The following STYXL2 variants were observed in gnomAD, a reference collection of about 807,000 sequenced individuals.
STYXL2 encodes the protein serine/threonine/tyrosine interacting like 2.
Under a neutral mutation model 52.4 loss-of-function variants are expected in STYXL2, and 44 were observed. That is an observed-to-expected ratio of 0.84 (90% CI 0.66 to 1.08). The LOEUF (loss-of-function observed/expected upper bound fraction) is 1.08, where lower values mean the gene tolerates loss of function less well. Ranked by LOEUF, STYXL2 falls within the 50% of genes least tolerant of loss-of-function variation. The probability of loss-of-function intolerance (pLI) is 0.00; values close to 1 mark genes in which losing one functional copy is unlikely to be tolerated. For synonymous variants in STYXL2, 604 were observed against 586.9 expected, an observed-to-expected ratio of 1.03 and a Z score of -0.42; for missense variants, 1,604 against 1,471.7, an observed-to-expected ratio of 1.09 and a Z score of -1.47.
In STYXL2 at chr1:167,128,493, G is replaced by C; in HGVS notation, c.3362G>C (p.Arg1121Pro). Reference sequence around the variant, plus strand: ...GCATCTGGACGGCGGTCCCAGTATCGGAGAAGCACTGACAGGGAGGAAGAG... The same window carrying C: ...GCATCTGGACGGCGGTCCCAGTATCCGAGAAGCACTGACAGGGAGGAAGAG... ...RFASGRRSQYRRSTDREEEEE... is the reference protein window; with the variant it reads ...RFASGRRSQYPRSTDREEEEE... Residue 1121 changes from arginine to proline, a missense_variant, in exon 6 of 6, where the codon CGG becomes CCG. By Grantham distance (103) the Arg-to-Pro change is moderately radical. Coordinates refer to ENST00000361200, the MANE Select transcript of STYXL2 (RefSeq NM_001080426.3). The C allele has an allele frequency of 6.2e-7, 1 of 1,613,870 alleles. No individual in the cohort carries two copies. Among genetic ancestry groups the C allele is most frequent in the South Asian group, 1.1e-5 (1 of 91,048 alleles).
intron 5 of STYXL2, among the ~76,000 whole-genome samples, chr1:167,121,573 T>C (rs1667858561): frequency 6.6e-6 from 1 of 152,172 alleles, no homozygotes; most frequent in African/African-American, 2.4e-5. Flanking sequence ...ATAGCCAGCC[T>C]TGGAGGGTGG....
At chr1:167,107,936 C>A (rs1667538802) in intron 2 of STYXL2, among the ~76,000 whole-genome samples, 1 of 152,156 alleles carries the variant, frequency 6.6e-6, no homozygotes, top group Non-Finnish European at 1.5e-5. Context: ...AGAGGACTAA[C>A]CATCAGGCTG....
Position 167,098,232 on chromosome 1 carries a change from G to A in STYXL2, c.110+3273G>A, listed in dbSNP as rs113989916. On this transcript the variant is annotated intron_variant, in intron 2 of 5. Transcript: ENST00000361200. ...TCACCATGTTGGTCAGCATTGTCTCGATCTCTTGACCTTGTGATCCCTCTG... is the reference window on the plus strand; with the variant it reads ...TCACCATGTTGGTCAGCATTGTCTCAATCTCTTGACCTTGTGATCCCTCTG... 6.1e-3 allele frequency among the ~76,000 whole-genome samples: 927 copies of A among 151,966 alleles called. 7 individuals are homozygous for A. Among genetic ancestry groups the A allele is most frequent in the African/African-American group, 0.02 (810 of 41,452 alleles).
In STYXL2 at chr1:167,122,661, A is replaced by T. The variant is rs543634815; in HGVS notation, c.656-3126A>T. ...CCAGTAGCTGTACTCTTAAAAAAAAAATTTTTTTTTGAAGGTCCTTTTTTT... is the reference window on the plus strand; with the variant it reads ...CCAGTAGCTGTACTCTTAAAAAAAATATTTTTTTTTGAAGGTCCTTTTTTT... On this transcript the variant is annotated intron_variant, in intron 5 of 5. Transcript: ENST00000361200. 6.6e-5 allele frequency among the ~76,000 whole-genome samples: 10 copies of T among 151,788 alleles called. No homozygotes were observed. The South Asian group carries it at 8.4e-4, about 13-fold the overall frequency.
chr1:167,109,195 A>T (rs948494233), intron 2 of STYXL2, among the ~76,000 whole-genome samples: 5 of 152,226 alleles, frequency 3.3e-5, no homozygotes, highest in African/African-American at 4.8e-5. Context: ...GCAAACAGGA[A>T]GTGCAAACAA....
At position 167,126,377 on chromosome 1, in the gene STYXL2, GAGA is replaced by G; in HGVS notation, c.1249_1251del (p.Lys417del). On this transcript the variant is annotated inframe_deletion, in exon 6 of 6. Coordinates refer to ENST00000361200, the MANE Select transcript of STYXL2 (RefSeq NM_001080426.3). ...GTACCGGAGGTGGGGAAGGGAGGAG[GAGA>G]AGGAGGAGGAGAGCGACGCTGGCTC... 6.5e-7 allele frequency: 1 copy of G among 1,550,146 alleles called. No individual in the cohort carries two copies. The highest frequency in any genetic ancestry group is 8.7e-7 in the Non-Finnish European group (1 of 1,146,700).
chr1:167,110,644 G>C (rs1054889575), intron 2 of STYXL2, among the ~76,000 whole-genome samples: 1 of 152,140 alleles, frequency 6.6e-6, no homozygotes, highest in Non-Finnish European at 1.5e-5. Flanking sequence ...CAAAGACAAG[G>C]TGTGAGAATT....
intron 2 of STYXL2, among the ~76,000 whole-genome samples, chr1:167,108,341 T>C (rs1667549053): frequency 1.3e-5 from 2 of 152,162 alleles, no homozygotes; most frequent in Admixed American, 1.3e-4. Flanking sequence ...CCACTAGGTG[T>C]TTAAGTCTTT....
At chr1:167,095,107 C>A in intron 2 of STYXL2, 148 bp downstream of exon 2, 1 of 626,380 alleles carries the variant, frequency 1.6e-6, no homozygotes, top group East Asian at 2.8e-5. Context: ...GTCCTACTTT[C>A]TGGAGGAGGT....
At position 167,128,745 on chromosome 1, in the gene STYXL2, C is replaced by T. The variant is rs1668031038; in HGVS notation, c.*137C>T. ...GGGGCAGAGCCAAAATGAGAGGTAC[C>T]AAGCATAAGGGCAGCAGAGGTGGAG... On this transcript the variant is annotated 3_prime_UTR_variant, in exon 6 of 6. Coordinates refer to ENST00000361200, the MANE Select transcript of STYXL2 (RefSeq NM_001080426.3). 1.0e-5 allele frequency: 14 copies of T among 1,380,358 alleles called. No homozygotes were observed. The highest frequency in any genetic ancestry group is 1.3e-5 in the Non-Finnish European group (14 of 1,051,090). The allele number at this position is 1,380,358 out of a possible 1,614,324, so 85.5% of individuals were successfully genotyped here. A position where few individuals can be genotyped will look rare whatever the true frequency, so the allele number is the denominator to read the frequency against.
At chr1:167,095,559 T>G (rs951250059) in intron 2 of STYXL2, among the ~76,000 whole-genome samples, 2 of 152,182 alleles carry the variant, frequency 1.3e-5, no homozygotes, top group Non-Finnish European at 2.9e-5. Flanking sequence ...TACATTAAAA[T>G]CATCGACGTT....
chr1:167,113,393 C>T (rs1187671499), intron 2 of STYXL2, among the ~76,000 whole-genome samples: 2 of 152,192 alleles, frequency 1.3e-5, no homozygotes, highest in Admixed American at 6.5e-5. Context: ...AGCAGCGGGA[C>T]ATCCAAGAAA....
intron 5 of STYXL2, among the ~76,000 whole-genome samples, chr1:167,122,113 A>T (rs1243803207): frequency 6.6e-6 from 1 of 152,080 alleles, no homozygotes; most frequent in East Asian, 1.9e-4. Context: ...GTTGAGACCT[A>T]TGGAAGATTA....
chr1:167,128,398 C>T lies in STYXL2; in HGVS notation c.3267C>T (p.Thr1089=). ...FSEFGAKRKF[T]QSFMRSEEEG... ...AATTTGGAGCCAAGAGGAAGTTCACCCAGAGCTTTATGAGGTCTGAAGAAG... is the reference window on the plus strand; with the variant it reads ...AATTTGGAGCCAAGAGGAAGTTCACTCAGAGCTTTATGAGGTCTGAAGAAG... Residue 1089 remains threonine (T), a synonymous_variant, in exon 6 of 6, where the codon ACC becomes ACT. Transcript: ENST00000361200. 1 of 1,613,936 alleles carries T rather than the reference C, an allele frequency of 6.2e-7. No homozygotes were observed. The highest frequency in any genetic ancestry group is 8.5e-7 in the Non-Finnish European group (1 of 1,179,950).
Position 167,127,870 on chromosome 1 carries a change from C to T in STYXL2, c.2739C>T (p.Ser913=), listed in dbSNP as rs1330307771. Reference sequence around the variant, plus strand: ...AGAAACCTGAAACAGACACATGCTCCTCCCTGGCTGTCTGTGATCACTATG... The same window carrying T: ...AGAAACCTGAAACAGACACATGCTCTTCCCTGGCTGTCTGTGATCACTATG... ...NSQKPETDTC[S]SLAVCDHYAS... Residue 913 remains serine (S), a synonymous_variant, in exon 6 of 6, where the codon TCC becomes TCT. Coordinates refer to ENST00000361200, the MANE Select transcript of STYXL2 (RefSeq NM_001080426.3). 2 of 1,614,058 alleles carry T rather than the reference C, an allele frequency of 1.2e-6. No individual in the cohort carries two copies. Among genetic ancestry groups the T allele is most frequent in the Non-Finnish European group, 8.5e-7 (1 of 1,180,040 alleles).
At chr1:167,102,277 A>T (rs923354243) in intron 2 of STYXL2, among the ~76,000 whole-genome samples, 1 of 150,530 alleles carries the variant, frequency 6.6e-6, no homozygotes, top group South Asian at 2.1e-4. Context: ...TGCAGTTTGT[A>T]TATCAATAAT....
chr1:167,102,338 C>A (rs1667421555), intron 2 of STYXL2, among the ~76,000 whole-genome samples: 1 of 151,608 alleles, frequency 6.6e-6, no homozygotes, highest in African/African-American at 2.4e-5. Context: ...ATAAAACCCT[C>A]TTTTAGGAGG....
Position 167,127,765 on chromosome 1 carries a change from G to A in STYXL2, c.2634G>A (p.Glu878=), listed in dbSNP as rs1269225975. 1.2e-6 allele frequency: 2 copies of A among 1,613,896 alleles called. No homozygotes were observed. Among genetic ancestry groups the A allele is most frequent in the African/African-American group, 1.3e-5 (1 of 74,872 alleles). The change falls in exon 6 of 6, where the codon GAG becomes GAA. Residue 878 remains glutamate, a synonymous_variant. Transcript: ENST00000361200. ...AGAAGAAGAAGGTCAAGGAAGATGAGGATGATGGTGTGGGTGATGGGGATG... is the reference window on the plus strand; with the variant it reads ...AGAAGAAGAAGGTCAAGGAAGATGAAGATGATGGTGTGGGTGATGGGGATG... ...LFKKKKVKED[E]DDGVGDGDED...
rs138539906 is a variant in STYXL2 at position 167,109,808 on chromosome 1, A to G, written c.111-3902A>G. Among the ~76,000 whole-genome samples the G allele has an allele frequency of 1.3e-3, 197 of 152,358 alleles. 2 individuals carry two copies. The highest frequency in any genetic ancestry group is 4.0e-3 in the African/African-American group (167 of 41,582). Reference sequence around the variant, plus strand: ...ACTCATAAAAGAACAATGCTGCTCTAAGAAAGGAGAAAACAACAGCTAATT... The same window carrying G: ...ACTCATAAAAGAACAATGCTGCTCTGAGAAAGGAGAAAACAACAGCTAATT... On this transcript the variant is annotated intron_variant, in intron 2 of 5. Transcript: ENST00000361200.
Sources: gnomAD v4.1 joint callset for allele counts (sites outside exome capture counted in the v4.1 genomes callset) on GRCh38, gnomAD v4.1.1 for gene constraint, MANE v1.5 for transcripts, NCBI Gene and HGNC (gene_info 2026-07-23, HGNC 2026-07-21) for gene names.